The following PLXDC2 variants were observed in gnomAD, a reference collection of about 807,000 sequenced individuals.
PLXDC2 encodes the protein plexin domain-containing protein 2.
In PLXDC2, 40 loss-of-function variants were observed where a neutral mutation model predicts 68.9. The ratio of observed to expected loss-of-function variants is 0.58; its 90% CI spans 0.45 to 0.76. PLXDC2 has a LOEUF of 0.76. Ranked by LOEUF, PLXDC2 falls within the 30% of genes least tolerant of loss-of-function variation. PLXDC2 has a pLI of 0.00. For missense variants in PLXDC2, 644 were observed against 661.9 expected, an observed-to-expected ratio of 0.97 and a Z score of 0.30; for synonymous variants, 243 against 234.2, an observed-to-expected ratio of 1.04 and a Z score of -0.34.
intron 1 of PLXDC2, among the ~76,000 whole-genome samples, chr10:19,983,836 T>C (rs1288772223): frequency 6.6e-6 from 1 of 152,128 alleles, no homozygotes; most frequent in Admixed American, 6.6e-5. Flanking sequence ...GCATTTTAAC[T>C]CTTAACAGTC....
intron 1 of PLXDC2, among the ~76,000 whole-genome samples, chr10:19,904,732 G>A (rs1242796801): frequency 1.3e-5 from 2 of 152,220 alleles, no homozygotes; most frequent in Non-Finnish European, 2.9e-5. Flanking sequence ...ATGCTGCTCT[G>A]TCTGTCCAAG....
intron 1 of PLXDC2, among the ~76,000 whole-genome samples, chr10:19,840,993 T>C (rs2131317749): frequency 6.6e-6 from 1 of 152,296 alleles, no homozygotes; most frequent in South Asian, 2.1e-4. Flanking sequence ...CTGCCTAGAA[T>C]CCTTATGAAG....
chr10:19,886,866 A>T (rs1589520012), intron 1 of PLXDC2, among the ~76,000 whole-genome samples: 1 of 152,344 alleles, frequency 6.6e-6, no homozygotes, highest in African/African-American at 2.4e-5. Flanking sequence ...GTTAGCGTTC[A>T]ACTCAACAGA....
intron 1 of PLXDC2, among the ~76,000 whole-genome samples, chr10:19,835,037 G>C (rs899211411): frequency 1.3e-5 from 2 of 152,140 alleles, no homozygotes; most frequent in African/African-American, 2.4e-5. Context: ...TGATGGAAAG[G>C]CATCCTGAAC....
At chr10:19,884,200 A>G (rs1426010551) in intron 1 of PLXDC2, among the ~76,000 whole-genome samples, 2 of 151,748 alleles carry the variant, frequency 1.3e-5, no homozygotes, top group Non-Finnish European at 1.5e-5. Context: ...CCCGGCCTAA[A>G]CTTTTCAAAA....
chr10:19,961,663 C>A (rs570182829), intron 1 of PLXDC2, among the ~76,000 whole-genome samples: 6 of 152,264 alleles, frequency 3.9e-5, no homozygotes, highest in African/African-American at 1.4e-4. Flanking sequence ...GCACTGATAC[C>A]CACATCAGCC....
intron 2 of PLXDC2, among the ~76,000 whole-genome samples, chr10:20,043,744 A>G (rs1053493094): frequency 1.3e-5 from 2 of 152,132 alleles, no homozygotes; most frequent in Non-Finnish European, 1.5e-5. Context: ...TGATTTAAAC[A>G]CCGTGAATAT....
chr10:19,917,719 G>A (rs1210479150), intron 1 of PLXDC2, among the ~76,000 whole-genome samples: 1 of 152,196 alleles, frequency 6.6e-6, no homozygotes, highest in Non-Finnish European at 1.5e-5. Flanking sequence ...AAAAGTCCAT[G>A]ATATGTGTCA....
At chr10:20,082,045 G>GAAAAAAAAAAAAAAAAAAAAAAAA (rs1439512108) in intron 4 of PLXDC2, among the ~76,000 whole-genome samples, 1 of 9,614 alleles carries the variant, frequency 1.0e-4, no homozygotes, top group Non-Finnish European at 1.6e-4. Flanking sequence ...AACTCCATCT[G>GAAAAAAAAAAAAAAAAAAAAAAAA]AAAAAAAAAA....
intron 1 of PLXDC2, among the ~76,000 whole-genome samples, chr10:19,872,634 C>T (rs1837559343): frequency 6.6e-6 from 1 of 152,018 alleles, no homozygotes; most frequent in Admixed American, 6.6e-5. Context: ...TGGGATGTTC[C>T]AGAGGGAGAG....
In PLXDC2 at chr10:19,903,123, G is replaced by A. The variant is rs374331833; in HGVS notation, c.112+85932G>A. ...GCATCTGTGTTCATCAGGGATATTC[G>A]TCTGTAGGTTCTTTTTTTTTGTTAA... On this transcript the variant is annotated intron_variant, in intron 1 of 13. Coordinates refer to ENST00000377252, the MANE Select transcript of PLXDC2 (RefSeq NM_032812.9). Among the ~76,000 whole-genome samples, 6 of 152,194 alleles carry A rather than the reference G, an allele frequency of 3.9e-5. No individual in the cohort carries two copies. In the South Asian group the frequency reaches 1.0e-3, roughly 26 times the overall value.
rs572348128 is a variant in PLXDC2, at chr10:20,048,181, A to G, written c.471+1166A>G. 2.0e-5 allele frequency among the ~76,000 whole-genome samples: 3 copies of G among 152,244 alleles called. No individual in the cohort carries two copies. In the East Asian group the frequency reaches 5.8e-4, roughly 29 times the overall value. On this transcript the variant is annotated intron_variant, in intron 3 of 13. Coordinates refer to ENST00000377252, the MANE Select transcript of PLXDC2 (RefSeq NM_032812.9). ...TGATTTGATAAATGTTAAATATCAA[A>G]ATTTTTGGCAGTGGTCTTCCTTGTT...
intron 1 of PLXDC2, among the ~76,000 whole-genome samples, chr10:19,989,669 T>C (rs1336524087): frequency 6.6e-6 from 1 of 152,042 alleles, no homozygotes; most frequent in East Asian, 1.9e-4. Flanking sequence ...ATTTCCTTTT[T>C]AATGATTTAT....
intron 4 of PLXDC2, among the ~76,000 whole-genome samples, chr10:20,116,985 CTG>C (rs1833630916): frequency 6.6e-6 from 1 of 150,602 alleles, no homozygotes; most frequent in African/African-American, 2.4e-5. Flanking sequence ...TATTTAAAGA[CTG>C]GAAGAAAAAA....
intron 1 of PLXDC2, among the ~76,000 whole-genome samples, chr10:19,858,239 A>G (rs370630522): frequency 8.7e-4 from 132 of 152,038 alleles, no homozygotes; most frequent in African/African-American, 2.3e-3. Context: ...CTCCTTCATC[A>G]CTCATTCTTT....
chr10:19,983,639 C>T (rs939432493), intron 1 of PLXDC2, among the ~76,000 whole-genome samples: 1 of 152,152 alleles, frequency 6.6e-6, no homozygotes, highest in Admixed American at 6.5e-5. Context: ...TTTCCTTCTG[C>T]CTCCCTCCTC....
intron 9 of PLXDC2, among the ~76,000 whole-genome samples, chr10:20,201,812 G>C (rs1249365720): frequency 1.3e-5 from 2 of 152,024 alleles, no homozygotes; most frequent in Non-Finnish European, 2.9e-5. Flanking sequence ...AAAATGCCTA[G>C]ACTATCAACT....
At position 20,051,395 on chromosome 10, in the gene PLXDC2, AAT is replaced by A. The variant is rs57093355; in HGVS notation, c.471+4427_471+4428del. 6.7e-3 allele frequency among the ~76,000 whole-genome samples: 785 copies of A among 117,908 alleles called. 7 individuals carry two copies. Among genetic ancestry groups the A allele is most frequent in the Admixed American group, 0.016 (165 of 10,154 alleles). The allele number at this position is 117,908 out of a possible 152,430, so 77.4% of individuals were successfully genotyped here. On this transcript the variant is annotated intron_variant, in intron 3 of 13. Transcript: ENST00000377252. Reference sequence around the variant, plus strand: ...ACTGCTGACCCTAAAATAAAGGTTAAATATATATATATATATATATATATATA... The same window carrying A: ...ACTGCTGACCCTAAAATAAAGGTTAAATATATATATATATATATATATATA...
chr10:20,125,020 A>T (rs1833753198), intron 4 of PLXDC2, among the ~76,000 whole-genome samples: 1 of 152,166 alleles, frequency 6.6e-6, no homozygotes, highest in African/African-American at 2.4e-5. Flanking sequence ...TAGTTTCTTA[A>T]TTGCTTATAA....
Sources: allele counts gnomAD v4.1 joint callset (sites outside exome capture counted in the v4.1 genomes callset), GRCh38; gene constraint gnomAD v4.1.1; transcripts MANE v1.5; gene names NCBI Gene and HGNC (gene_info 2026-07-23, HGNC 2026-07-21).